Variants in OR1J2 observed in about 807,000 individuals in gnomAD.
OR1J2 encodes the protein olfactory receptor family 1 subfamily J member 2, also known as olfactory receptor 1J2.
For synonymous variants in OR1J2, 142 were observed against 99.7 expected (o/e 1.42, Z -2.52); for missense variants, 304 against 246.1 (o/e 1.24, Z -1.57).
chr9:122,548,774 C>T, the OR1J2 span, among the ~76,000 whole-genome samples: 35 of 110,594 alleles, frequency 3.2e-4, no homozygotes, highest in Middle Eastern at 8.2e-3. Context: ...CAACAGGCCC[C>T]GGTGTGTGAT....
the OR1J2 span, among the ~76,000 whole-genome samples, chr9:122,557,278 G>C: frequency 1.5e-3 from 235 of 152,050 alleles, 2 homozygotes; most frequent in African/African-American, 5.5e-3. Flanking sequence ...GTAATGAGGG[G>C]GGACATTTTT....
the OR1J2 span, among the ~76,000 whole-genome samples, chr9:122,494,476 G>GT: frequency 1.1e-4 from 16 of 152,110 alleles, no homozygotes; most frequent in African/African-American, 2.9e-4. Flanking sequence ...TTTAAAGTTT[G>GT]TTTTTTCTGA....
the OR1J2 span, among the ~76,000 whole-genome samples, chr9:122,462,267 A>T: frequency 6.6e-6 from 1 of 151,868 alleles, no homozygotes; most frequent in Non-Finnish European, 1.5e-5. Flanking sequence ...ATTTGCATGG[A>T]ATAGCTTTTT....
chr9:122,470,656 C>T, the OR1J2 span, among the ~76,000 whole-genome samples: 6 of 152,180 alleles, frequency 3.9e-5, no homozygotes, highest in Non-Finnish European at 8.8e-5. Flanking sequence ...CAGCTTTCAC[C>T]AGGTGCCTGG....
the OR1J2 span, among the ~76,000 whole-genome samples, chr9:122,463,409 T>C: frequency 8.9e-4 from 136 of 152,374 alleles, no homozygotes; most frequent in African/African-American, 3.2e-3. Flanking sequence ...GCTGATCTTC[T>C]GAATTCTTTT....
the OR1J2 span, among the ~76,000 whole-genome samples, chr9:122,554,704 T>C: frequency 0.55 from 84,337 of 152,058 alleles, 24,006 homozygotes; most frequent in East Asian, 0.97. Flanking sequence ...GGTGTGAGTG[T>C]ACATCTAAGG....
At chr9:122,556,777 T>C in the OR1J2 span, among the ~76,000 whole-genome samples, 65 of 152,332 alleles carry the variant, frequency 4.3e-4, no homozygotes, top group South Asian at 4.1e-3. Context: ...ATTTTGTTGA[T>C]ATCCACAAAG....
the OR1J2 span, among the ~76,000 whole-genome samples, chr9:122,498,935 C>T: frequency 6.6e-6 from 1 of 152,114 alleles, no homozygotes. Context: ...CTTCTTTTGG[C>T]AGATTTTATA....
the OR1J2 span, among the ~76,000 whole-genome samples, chr9:122,501,000 A>G: frequency 6.6e-6 from 1 of 152,226 alleles, no homozygotes; most frequent in Non-Finnish European, 1.5e-5. Flanking sequence ...TATGAAAAAC[A>G]TAATTTTTGA....
the OR1J2 span, among the ~76,000 whole-genome samples, chr9:122,492,228 A>G: frequency 6.6e-6 from 1 of 152,040 alleles, no homozygotes; most frequent in Non-Finnish European, 1.5e-5. Context: ...TTTAGCTCTC[A>G]CTTATAAGTG....
chr9:122,553,986 A>C, the OR1J2 span: 1 of 1,613,450 alleles, frequency 6.2e-7, no homozygotes, highest in Non-Finnish European at 8.5e-7. Flanking sequence ...TGGGTCTCTT[A>C]TGGGTGTGTA....
upstream of OR1J2, among the ~76,000 whole-genome samples, chr9:122,509,667 G>A (rs1828594902): frequency 6.6e-6 from 1 of 152,288 alleles, no homozygotes; most frequent in East Asian, 1.9e-4. Context: ...GTTGGCAAGG[G>A]TGAGGGGAAA....
the OR1J2 span, among the ~76,000 whole-genome samples, chr9:122,490,099 C>T: frequency 6.6e-6 from 1 of 152,158 alleles, no homozygotes; most frequent in Non-Finnish European, 1.5e-5. Context: ...TCATTAAGAG[C>T]TTTTTCTACA....
chr9:122,540,832 A>G, the OR1J2 span, among the ~76,000 whole-genome samples: 4 of 152,182 alleles, frequency 2.6e-5, no homozygotes, highest in African/African-American at 9.6e-5. Flanking sequence ...GGTCCTTCAC[A>G]TCCCTTGTAA....
At chr9:122,497,459 AG>A in the OR1J2 span, among the ~76,000 whole-genome samples, 1 of 152,238 alleles carries the variant, frequency 6.6e-6, no homozygotes, top group Non-Finnish European at 1.5e-5. Context: ...GTGTGTGTAG[AG>A]GTATTCGTAA....
At chr9:122,467,308 C>A in the OR1J2 span, among the ~76,000 whole-genome samples, 1 of 152,198 alleles carries the variant, frequency 6.6e-6, no homozygotes, top group African/African-American at 2.4e-5. Flanking sequence ...CTCTCCAAGA[C>A]ACCCACACCT....
the OR1J2 span, among the ~76,000 whole-genome samples, chr9:122,580,427 A>ATTAT: frequency 1.3e-5 from 2 of 152,174 alleles, no homozygotes; most frequent in African/African-American, 2.4e-5. Context: ...TTGAATAATA[A>ATTAT]CCTTTCTGTT....
chr9:122,518,587 T>A, the OR1J2 span, among the ~76,000 whole-genome samples: 2 of 152,242 alleles, frequency 1.3e-5, no homozygotes, highest in African/African-American at 2.4e-5. Flanking sequence ...TGTGTAAGAT[T>A]TACTTTTTTT....
the OR1J2 span, among the ~76,000 whole-genome samples, chr9:122,518,770 A>T: frequency 1.8e-4 from 27 of 152,234 alleles, no homozygotes; most frequent in Admixed American, 1.4e-3. Flanking sequence ...AAAAAGTTCA[A>T]TATGTTACAA....
Sources: allele counts gnomAD v4.1 joint callset (sites outside exome capture counted in the v4.1 genomes callset), GRCh38; gene constraint gnomAD v4.1.1; transcripts MANE v1.5; gene names NCBI Gene and HGNC (gene_info 2026-07-23, HGNC 2026-07-21).